The following TM4SF19 variants were observed in gnomAD, a reference collection of about 807,000 sequenced individuals.
TM4SF19 encodes the protein transmembrane 4 L six family member 19.
A neutral mutation model predicts 21.8 loss-of-function variants in TM4SF19; 17 were observed. The ratio of observed to expected loss-of-function variants is 0.78; its 90% CI spans 0.53 to 1.17. The LOEUF (loss-of-function observed/expected upper bound fraction) is 1.17. Ranked by LOEUF, TM4SF19 falls within the 50% of genes most tolerant of loss-of-function variation. The pLI is 0.00. For synonymous variants in TM4SF19, 107 were observed against 106.7 expected (o/e 1.00, Z -0.02); for missense variants, 216 against 252.1 (o/e 0.86, Z 0.97).
In TM4SF19 at chr3:196,338,353, G is replaced by A. The variant is rs1234437968; in HGVS notation, c.-91C>T. On this transcript the variant is annotated 5_prime_UTR_variant, in exon 1 of 5. Transcript: ENST00000273695. Reference sequence around the variant, plus strand: ...GTGGGGCTCCACTCCTCCAGCTCCAGGGCTGGACCTGAAGGTTGTCTTTCC... The same window carrying A: ...GTGGGGCTCCACTCCTCCAGCTCCAAGGCTGGACCTGAAGGTTGTCTTTCC... 6.6e-6 allele frequency: 1 copy of A among 152,384 alleles called. No homozygotes were observed. The highest frequency in any genetic ancestry group is 1.9e-4 in the East Asian group (1 of 5,194). The allele number at this position is 152,384 out of a possible 1,614,324, so 9.4% of individuals were successfully genotyped here.
chr3:196,327,593 T>A lies in TM4SF19; in HGVS notation c.-1-2A>T, dbSNP rs1727351561. ...TGCGTGCAGGGAGAGGACACCATCC[T>A]GGAACAGATAGAAAGGGAGTCGCAG... On this transcript the variant is annotated splice_acceptor_variant, in intron 1 of 4. Transcript: ENST00000273695. LOFTEE classifies it low-confidence loss of function (5UTR_SPLICE). 1 of 1,612,886 alleles carries A rather than the reference T, an allele frequency of 6.2e-7. No individual in the cohort carries two copies. The highest frequency in any genetic ancestry group is 1.1e-5 in the South Asian group (1 of 91,052).
intron 1 of TM4SF19, among the ~76,000 whole-genome samples, chr3:196,332,847 A>ATTT (rs1560205105): frequency 9.4e-6 from 1 of 106,374 alleles, no homozygotes. Context: ...TTCAACTTAC[A>ATTT]ATTTTTTTTT....
chr3:196,333,012 G>C (rs1727583715), intron 1 of TM4SF19, among the ~76,000 whole-genome samples: 1 of 151,998 alleles, frequency 6.6e-6, no homozygotes, highest in African/African-American at 2.4e-5. Flanking sequence ...ACCATACCTG[G>C]CTAATGTTTT....
rs1310160419 is a variant in TM4SF19 at position 196,326,988 on chromosome 3, G to C, written c.246C>G (p.Tyr82Ter). ...AILISLMGWR[Y>*]GCFSKSGLCR... is the part of the protein sequence containing the mutation. ...AGAGCCCACTCTTACTGAAGCAGCC[G>C]TATCTCCAGCCCATCAAGGAGATGA... The change falls in exon 3 of 5, where the codon TAC (tyrosine) becomes TAG (stop). Residue 82 changes from tyrosine to a stop codon, truncating the protein, a stop_gained. Coordinates refer to ENST00000273695, the MANE Select transcript of TM4SF19 (RefSeq NM_138461.4). LOFTEE classifies it high-confidence loss of function. 10 of 1,611,636 alleles carry C rather than the reference G, an allele frequency of 6.2e-6. No individual in the cohort carries two copies. The highest frequency in any genetic ancestry group is 8.5e-6 in the Non-Finnish European group (10 of 1,177,910).
At chr3:196,329,148 T>C (rs1363584998) in intron 1 of TM4SF19, among the ~76,000 whole-genome samples, 1 of 125,748 alleles carries the variant, frequency 8.0e-6, no homozygotes, top group African/African-American at 2.7e-5. Flanking sequence ...TTCACCGTGT[T>C]AGCCAGGACG....
At chr3:196,337,217 C>A (rs1459866805) in intron 1 of TM4SF19, among the ~76,000 whole-genome samples, 1 of 151,826 alleles carries the variant, frequency 6.6e-6, no homozygotes, top group Non-Finnish European at 1.5e-5. Flanking sequence ...ATGCACCACG[C>A]CCGGCTAATT....
chr3:196,332,187 C>T (rs1242900895), intron 1 of TM4SF19, among the ~76,000 whole-genome samples: 1 of 151,386 alleles, frequency 6.6e-6, no homozygotes, highest in Non-Finnish European at 1.5e-5. Flanking sequence ...AGTAGAATGG[C>T]GTGAACCTGG....
intron 1 of TM4SF19, among the ~76,000 whole-genome samples, chr3:196,333,509 T>C (rs1727605978): frequency 6.6e-6 from 1 of 152,226 alleles, no homozygotes; most frequent in Non-Finnish European, 1.5e-5. Context: ...TGACCACAGA[T>C]AGCTAAAACT....
rs1351263439 is a variant in TM4SF19 at position 196,329,947 on chromosome 3, C to T, written c.-1-2356G>A. ...AGTGCAGTGGCGCAATCTCAGCTCA[C>T]TGCAACCTCTGCCTCCTGGGCTCAA... On this transcript the variant is annotated intron_variant, in intron 1 of 4. Transcript: ENST00000273695. 2.4e-5 allele frequency among the ~76,000 whole-genome samples: 3 copies of T among 125,234 alleles called. 1 individual carries two copies. Among genetic ancestry groups the T allele is most frequent in the Non-Finnish European group, 5.2e-5 (3 of 57,290 alleles). The allele number at this position is 125,234 out of a possible 152,430, so 82.2% of individuals were successfully genotyped here.
At chr3:196,336,073 C>T (rs922372383) in intron 1 of TM4SF19, among the ~76,000 whole-genome samples, 5 of 152,246 alleles carry the variant, frequency 3.3e-5, no homozygotes, top group East Asian at 1.9e-4. Context: ...ACCCCCCTGA[C>T]GATCTCTTCT....
At chr3:196,326,888 G>T in intron 3 of TM4SF19, 67 bp downstream of exon 3, 1 of 1,429,222 alleles carries the variant, frequency 7.0e-7, no homozygotes, top group Non-Finnish European at 9.8e-7. Context: ...CCTCTTTACC[G>T]CCCTGCCTCT....
intron 1 of TM4SF19, among the ~76,000 whole-genome samples, chr3:196,337,563 G>A (rs1030102358): frequency 1.4e-4 from 22 of 152,284 alleles, no homozygotes; most frequent in Admixed American, 3.9e-4. Flanking sequence ...TTTAGCTGGT[G>A]TGTGTGACCT....
At chr3:196,334,176 A>T (rs1727630219) in intron 1 of TM4SF19, among the ~76,000 whole-genome samples, 1 of 152,196 alleles carries the variant, frequency 6.6e-6, no homozygotes, top group Non-Finnish European at 1.5e-5. Flanking sequence ...ATACGTCATT[A>T]CCCATCACAT....
At chr3:196,334,599 G>A (rs535829333) in intron 1 of TM4SF19, among the ~76,000 whole-genome samples, 1 of 152,094 alleles carries the variant, frequency 6.6e-6, no homozygotes, top group African/African-American at 2.4e-5. Flanking sequence ...GACTACAGCT[G>A]CACACCACCA....
At chr3:196,324,125 C>T (rs1489060146) in intron 4 of TM4SF19, 128 bp from the exon 5 acceptor site, 3 of 1,434,376 alleles carry the variant, frequency 2.1e-6, no homozygotes, top group South Asian at 2.4e-5. Flanking sequence ...GTGACCGTTA[C>T]TGCTCCATTT....
At chr3:196,324,540 A>G (rs1577403838) in intron 3 of TM4SF19, 100 bp from the exon 4 acceptor site, 1 of 1,277,306 alleles carries the variant, frequency 7.8e-7, no homozygotes, top group Non-Finnish European at 1.1e-6. Flanking sequence ...GCAGCTGGGG[A>G]GTCTGTGGGG....
intron 1 of TM4SF19, among the ~76,000 whole-genome samples, chr3:196,330,143 T>C (rs1577408514): frequency 7.9e-6 from 1 of 126,712 alleles, no homozygotes; most frequent in African/African-American, 2.7e-5. Flanking sequence ...CCGCGCGCGG[T>C]GGTTTTGGGG....
chr3:196,332,821 C>G (rs1364476138), intron 1 of TM4SF19, among the ~76,000 whole-genome samples: 1 of 151,384 alleles, frequency 6.6e-6, no homozygotes, highest in Non-Finnish European at 1.5e-5. Context: ...AGTAGACTGT[C>G]CCTGACTCAC....
At position 196,331,904 on chromosome 3, in the gene TM4SF19, G is replaced by A. The variant is rs372592104; in HGVS notation, c.-1-4313C>T. ...CACCTAAAGTGCTAGGATGACAGGC[G>A]TGAGCCACTGCACTTGGCCACTTGA... On this transcript the variant is annotated intron_variant, in intron 1 of 4. Coordinates refer to ENST00000273695, the MANE Select transcript of TM4SF19 (RefSeq NM_138461.4). Among the ~76,000 whole-genome samples the A allele has an allele frequency of 1.5e-4, 23 of 152,150 alleles. No individual in the cohort carries two copies. In the South Asian group the frequency reaches 4.6e-3, roughly 30 times the overall value.
Sources: gnomAD v4.1 joint callset for allele counts (sites outside exome capture counted in the v4.1 genomes callset) on GRCh38, gnomAD v4.1.1 for gene constraint, MANE v1.5 for transcripts, NCBI Gene and HGNC (gene_info 2026-07-23, HGNC 2026-07-21) for gene names.